IFT80: variants seen among roughly 807,000 people sequenced by gnomAD.
IFT80 encodes intraflagellar transport protein 80 homolog.
A neutral mutation model predicts 107.9 loss-of-function variants in IFT80; 79 were observed. The ratio of observed to expected loss-of-function variants is 0.73; its 90% CI spans 0.61 to 0.88. IFT80 has a LOEUF of 0.88. Ranked by LOEUF, IFT80 falls within the 40% of genes least tolerant of loss-of-function variation. The probability of loss-of-function intolerance (pLI) is 0.00; values close to 1 mark genes in which losing one functional copy is unlikely to be tolerated. For synonymous variants in IFT80, 299 were observed against 300.9 expected, an observed-to-expected ratio of 0.99 and a Z score of 0.07; for missense variants, 797 against 914.2, an observed-to-expected ratio of 0.87 and a Z score of 1.65.
At position 160,258,589 on chromosome 3, in the gene IFT80, A is replaced by G. The variant is rs1212957368; in HGVS notation, c.2270T>C (p.Ile757Thr). ...EKIKAKIEME[I>T]TKEREQSSSS... ...TGATGATTGCTCTCTTTCTTTTGTAATTTCCATCTCAATTTTGGCTTTGAT... is the reference window on the plus strand; with the variant it reads ...TGATGATTGCTCTCTTTCTTTTGTAGTTTCCATCTCAATTTTGGCTTTGAT... The change falls in exon 20 of 20, where the codon ATT (isoleucine) becomes ACT (threonine). Residue 757 changes from isoleucine (I) to threonine (T), a missense_variant. By Grantham distance (89) the Ile-to-Thr change is moderately conservative (BLOSUM62 -1). Transcript: ENST00000326448. 1 of 1,613,424 alleles carries G rather than the reference A, an allele frequency of 6.2e-7. No individual in the cohort carries two copies. Among genetic ancestry groups the G allele is most frequent in the South Asian group, 1.1e-5 (1 of 91,074 alleles).
At chr3:160,329,766 G>A (rs1718950947) in intron 8 of IFT80, among the ~76,000 whole-genome samples, 1 of 152,020 alleles carries the variant, frequency 6.6e-6, no homozygotes, top group African/African-American at 2.4e-5. Context: ...TCTTGGGGGG[G>A]TCTTCATTTC....
At chr3:160,333,465 T>C (rs1459956270) in intron 8 of IFT80, among the ~76,000 whole-genome samples, 4 of 152,232 alleles carry the variant, frequency 2.6e-5, no homozygotes, top group South Asian at 2.1e-4. Context: ...ATAAAACACG[T>C]TGTGACAGCT....
intron 12 of IFT80, among the ~76,000 whole-genome samples, chr3:160,287,046 G>A (rs1182423873): frequency 6.6e-6 from 1 of 152,096 alleles, no homozygotes; most frequent in African/African-American, 2.4e-5. Context: ...GGTTCATCAT[G>A]TGGGCAATGA....
At chr3:160,324,893 C>G (rs539474196) in intron 8 of IFT80, among the ~76,000 whole-genome samples, 146 of 151,800 alleles carry the variant, frequency 9.6e-4, no homozygotes, top group South Asian at 7.9e-3. Context: ...ATTGTCTCAG[C>G]CCAAAATCTC....
chr3:160,286,936 T>A (rs1236972813), intron 12 of IFT80, among the ~76,000 whole-genome samples: 1 of 152,080 alleles, frequency 6.6e-6, no homozygotes, highest in Non-Finnish European at 1.5e-5. Flanking sequence ...GGCCCCTAGA[T>A]AGCTTCAGGA....
At chr3:160,365,001 T>C (rs1050162635) in intron 6 of IFT80, among the ~76,000 whole-genome samples, 4 of 131,398 alleles carry the variant, frequency 3.0e-5, no homozygotes, top group Admixed American at 3.0e-4. Context: ...TAAAGTATAA[T>C]TAAAAAAAAA....
intron 4 of IFT80, among the ~76,000 whole-genome samples, chr3:160,376,232 T>A (rs1712012701): frequency 6.6e-6 from 1 of 152,202 alleles, no homozygotes; most frequent in Middle Eastern, 3.2e-3. Context: ...GAAAAGTGTT[T>A]CCAGTGTAAT....
intron 11 of IFT80, among the ~76,000 whole-genome samples, chr3:160,301,385 G>A (rs536111713): frequency 3.3e-5 from 5 of 151,858 alleles, no homozygotes; most frequent in South Asian, 2.1e-4. Flanking sequence ...TCAAAAAATC[G>A]TATAATTTAC....
rs532408588 is a variant in IFT80, at chr3:160,288,827, G to T, written c.1316-2959C>A. Among the ~76,000 whole-genome samples, 18 of 152,280 alleles carry T rather than the reference G, an allele frequency of 1.2e-4. No individual in the cohort carries two copies. The South Asian group carries it at 3.5e-3, about 30-fold the overall frequency. ...AAAATAACAGATGCTGGTGATTTGT[G>T]GAGAAAAGGGAATAGTTTTACACTG... On this transcript the variant is annotated intron_variant, in intron 12 of 19. Transcript: ENST00000326448.
intron 1 of IFT80, among the ~76,000 whole-genome samples, chr3:160,388,683 A>C (rs1485295744): frequency 6.6e-6 from 1 of 151,474 alleles, no homozygotes; most frequent in Non-Finnish European, 1.5e-5. Context: ...AGCTAAAAAG[A>C]ACTAATGTTT....
At chr3:160,304,048 A>G in intron 10 of IFT80, 59 bp from the exon 11 acceptor site, 1 of 1,092,530 alleles carries the variant, frequency 9.2e-7, no homozygotes, top group Non-Finnish European at 1.4e-6. Flanking sequence ...ACTTTTAAAT[A>G]AGTAGATTGG....
chr3:160,349,917 C>T (rs75287449), intron 8 of IFT80, among the ~76,000 whole-genome samples: 3 of 152,218 alleles, frequency 2.0e-5, no homozygotes, highest in South Asian at 4.2e-4. Flanking sequence ...TCTCAATAAG[C>T]GATGCCCTTC....
chr3:160,281,404 A>G (rs1377286141), intron 14 of IFT80, among the ~76,000 whole-genome samples: 1 of 151,872 alleles, frequency 6.6e-6, no homozygotes, highest in Non-Finnish European at 1.5e-5. Context: ...GGGGTCTTGG[A>G]CTCTTGAGGG....
chr3:160,282,578 TC>T lies in IFT80; in HGVS notation c.1415del (p.Gly472AspfsTer22), dbSNP rs767437974. The T allele has an allele frequency of 1.3e-6, 2 of 1,589,880 alleles. No homozygotes were observed. Among genetic ancestry groups the T allele is most frequent in the South Asian group, 2.3e-5 (2 of 88,378 alleles). Reference protein sequence around the residue: ...EILEIALDQKGLTNDRKIAFI... With the variant: ...EILEIALDQKXLTNDRKIAFI... Reference sequence around the variant, plus strand: ...AAGCAATTTTTCTATCATTGGTAAGTCCTTTTTGATCCAGAGCAATTTCCAA... The same window carrying T: ...AAGCAATTTTTCTATCATTGGTAAGTCTTTTTGATCCAGAGCAATTTCCAA... On this transcript the variant is annotated frameshift_variant, in exon 14 of 20. Coordinates refer to ENST00000326448, the MANE Select transcript of IFT80 (RefSeq NM_020800.3). LOFTEE classifies it high-confidence loss of function.
At chr3:160,323,038 T>C (rs1348224107) in intron 8 of IFT80, among the ~76,000 whole-genome samples, 1 of 152,000 alleles carries the variant, frequency 6.6e-6, no homozygotes, top group Non-Finnish European at 1.5e-5. Context: ...CTCTTTAGTT[T>C]AATTAGATCC....
chr3:160,377,544 A>C lies in IFT80; in HGVS notation c.260-4T>G, dbSNP rs975813329. 5 of 1,524,390 alleles carry C rather than the reference A, an allele frequency of 3.3e-6. No individual in the cohort carries two copies. Among genetic ancestry groups the C allele is most frequent in the Non-Finnish European group, 4.5e-6 (5 of 1,099,240 alleles). The allele number at this position is 1,524,390 out of a possible 1,614,324, so 94.4% of individuals were successfully genotyped here. A position where few individuals can be genotyped will look rare whatever the true frequency, so the allele number is the denominator to read the frequency against. On this transcript the variant is annotated splice_polypyrimidine_tract_variant and splice_region_variant and intron_variant, in intron 3 of 19. Transcript: ENST00000326448. Reference sequence around the variant, plus strand: ...TTGGAAATCAGATGAAATTTACCTGAAAGAAATTACATTTGAAAAATCTAT... The same window carrying C: ...TTGGAAATCAGATGAAATTTACCTGCAAGAAATTACATTTGAAAAATCTAT...
Position 160,312,948 on chromosome 3 carries a change from T to C in IFT80, c.958-5167A>G, listed in dbSNP as rs1343674471. On this transcript the variant is annotated intron_variant, in intron 9 of 19. Coordinates refer to ENST00000326448, the MANE Select transcript of IFT80 (RefSeq NM_020800.3). The stretch of plus-strand genomic sequence containing the variant: ...ATAAATATATAATATATAATAAATA[T>C]ATATTATATATAAATATATAATATA... Among the ~76,000 whole-genome samples the C allele has an allele frequency of 1.0e-3, 58 of 57,010 alleles. 1 individual carries two copies. The highest frequency in any genetic ancestry group is 1.4e-3 in the Non-Finnish European group (46 of 33,150). 37.4% of individuals were successfully genotyped at this position (57,010 alleles called of 152,430 possible).
At chr3:160,349,905 A>C (rs1169137407) in intron 8 of IFT80, among the ~76,000 whole-genome samples, 1 of 152,152 alleles carries the variant, frequency 6.6e-6, no homozygotes, top group Non-Finnish European at 1.5e-5. Context: ...AAAGGTGAAG[A>C]GTCTCAATAA....
intron 19 of IFT80, among the ~76,000 whole-genome samples, 195 bp from the exon 20 acceptor site, chr3:160,258,830 C>T (rs1712568475): frequency 6.6e-6 from 1 of 152,114 alleles, no homozygotes; most frequent in Non-Finnish European, 1.5e-5. Context: ...GGCATAGTGG[C>T]TTACTCCTGT....
Sources: allele counts gnomAD v4.1 joint callset (sites outside exome capture counted in the v4.1 genomes callset), GRCh38; gene constraint gnomAD v4.1.1; transcripts MANE v1.5; gene names NCBI Gene and HGNC (gene_info 2026-07-23, HGNC 2026-07-21).